XCR1: variants seen among roughly 807,000 people sequenced by gnomAD.
The protein encoded by XCR1 is X-C motif chemokine receptor 1.
For missense variants in XCR1, 356 were observed against 424.2 expected (o/e 0.84, Z 1.41); for synonymous variants, 187 against 188.5 (o/e 0.99, Z 0.06).
intron 5 of XCR1, among the ~76,000 whole-genome samples, chr3:46,036,019 T>C (rs1274308068): frequency 1.3e-5 from 2 of 152,232 alleles, no homozygotes; most frequent in Non-Finnish European, 2.9e-5. Flanking sequence ...GGCTTGTTTA[T>C]TGCTGCAGTG....
intron 4 of XCR1, among the ~76,000 whole-genome samples, chr3:46,065,019 A>G (rs953287013): frequency 1.3e-5 from 2 of 152,162 alleles, no homozygotes; most frequent in East Asian, 3.9e-4. Flanking sequence ...TGAACCAGCA[A>G]GGTGCAGGTT....
At chr3:46,032,454 C>T (rs769221075), upstream of XCR1, among the ~76,000 whole-genome samples, 27 of 152,200 alleles carry the variant, frequency 1.8e-4, no homozygotes, top group South Asian at 1.2e-3. Flanking sequence ...CAATGCTGGA[C>T]CCCACACTTG....
intron 5 of XCR1, among the ~76,000 whole-genome samples, chr3:46,034,304 T>C (rs887918828): frequency 5.3e-5 from 8 of 152,248 alleles, no homozygotes; most frequent in Admixed American, 1.3e-4. Context: ...AAGTCTTTTG[T>C]ATATTAGCCT....
chr3:46,071,124 G>T (rs1698156940), intron 3 of XCR1, among the ~76,000 whole-genome samples: 1 of 152,084 alleles, frequency 6.6e-6, no homozygotes, highest in Non-Finnish European at 1.5e-5. Flanking sequence ...AAGATCATTA[G>T]AGACTATTAT....
At chr3:46,072,660 A>G (rs368285796) in intron 3 of XCR1, among the ~76,000 whole-genome samples, 6 of 152,342 alleles carry the variant, frequency 3.9e-5, no homozygotes, top group African/African-American at 1.4e-4. Flanking sequence ...CATGGATCAG[A>G]AGAATTAATA....
rs530053239 is a variant in XCR1 at position 46,047,178 on chromosome 3, G to T, written c.-32+6742C>A. Among the ~76,000 whole-genome samples the T allele has an allele frequency of 5.3e-5, 8 of 152,308 alleles. No homozygotes were observed. In the East Asian group the frequency reaches 1.2e-3, roughly 22 times the overall value. ...AATAGAATTATGCAAAGCTACAGAA[G>T]ACATCACAACAGAAGTTATTAGTGT... On this transcript the variant is annotated intron_variant, in intron 5 of 5. Transcript: ENST00000683768.
intron 5 of XCR1, among the ~76,000 whole-genome samples, chr3:46,033,366 G>A (rs6791016): frequency 0.2 from 30,343 of 152,154 alleles, 4,438 homozygotes; most frequent in African/African-American, 0.4. Flanking sequence ...TGTGAAAGGT[G>A]TAAGATCTGT....
upstream of XCR1, among the ~76,000 whole-genome samples, chr3:46,031,736 C>T (rs577616627): frequency 6.6e-6 from 1 of 152,200 alleles, no homozygotes; most frequent in Non-Finnish European, 1.5e-5. Flanking sequence ...CTTGTTCTGG[C>T]CCATGGCCAC....
At position 46,019,937 on chromosome 3, in the gene XCR1, A is replaced by G. The variant is rs893714183; in HGVS notation, c.*1009T>C. 1.3e-5 allele frequency: 2 copies of G among 152,198 alleles called. No individual in the cohort carries two copies. Among genetic ancestry groups the G allele is most frequent in the African/African-American group, 4.8e-5 (2 of 41,452 alleles). The allele number at this position is 152,198 out of a possible 1,614,324, so 9.4% of individuals were successfully genotyped here. A position where few individuals can be genotyped will look rare whatever the true frequency, so the allele number is the denominator to read the frequency against. Reference sequence around the variant, plus strand: ...CAACTCTGAAAGCCACTAGACAGGCATAGTCATTTGGACCTGGCTGTGGGA... The same window carrying G: ...CAACTCTGAAAGCCACTAGACAGGCGTAGTCATTTGGACCTGGCTGTGGGA... On this transcript the variant is annotated 3_prime_UTR_variant, in exon 2 of 2. Transcript: ENST00000309285.
chr3:46,058,682 T>C (rs1697900298), intron 4 of XCR1, among the ~76,000 whole-genome samples: 1 of 152,138 alleles, frequency 6.6e-6, no homozygotes, highest in African/African-American at 2.4e-5. Context: ...TGAGTAGTTG[T>C]AGTCCTGAAT....
At chr3:46,044,130 G>A (rs560524390) in intron 5 of XCR1, among the ~76,000 whole-genome samples, 3 of 152,060 alleles carry the variant, frequency 2.0e-5, no homozygotes, top group African/African-American at 2.4e-5. Context: ...CAGGTAGCTG[G>A]GATTATAGGT....
chr3:46,028,569 T>C (rs148386553), upstream of XCR1, among the ~76,000 whole-genome samples: 5 of 151,838 alleles, frequency 3.3e-5, no homozygotes, highest in African/African-American at 1.2e-4. Context: ...GACACACAAA[T>C]GCTTTACATC....
intron 5 of XCR1, among the ~76,000 whole-genome samples, chr3:46,033,215 G>T (rs184619798): frequency 2.1e-3 from 321 of 152,058 alleles, no homozygotes; most frequent in Admixed American, 6.2e-3. Flanking sequence ...ATCAGAAAAA[G>T]AAGGCAAAAA....
intron 5 of XCR1, among the ~76,000 whole-genome samples, chr3:46,046,651 T>C (rs1697634495): frequency 1.3e-5 from 2 of 152,314 alleles, no homozygotes; most frequent in East Asian, 1.9e-4. Context: ...CATTTTTTGA[T>C]TGGCAGTCCA....
intron 5 of XCR1, among the ~76,000 whole-genome samples, chr3:46,045,005 C>T (rs571581248): frequency 1.3e-5 from 2 of 152,260 alleles, no homozygotes; most frequent in Non-Finnish European, 2.9e-5. Context: ...ATGAGGCCAG[C>T]ATTACCCTAA....
intron 4 of XCR1, among the ~76,000 whole-genome samples, chr3:46,058,729 A>G (rs968746539): frequency 2.6e-5 from 4 of 152,028 alleles, no homozygotes; most frequent in Non-Finnish European, 5.9e-5. Context: ...ATGCCCAGCT[A>G]GTTTTCCTGT....
intron 3 of XCR1, among the ~76,000 whole-genome samples, chr3:46,073,589 A>G (rs1322326093): frequency 6.6e-6 from 1 of 152,056 alleles, no homozygotes; most frequent in East Asian, 1.9e-4. Context: ...ATTCTTAAAC[A>G]AAAAACAAAA....
chr3:46,021,554 C>T lies in XCR1; in HGVS notation c.394G>A (p.Val132Met), dbSNP rs1010817240. Residue 132 changes from valine (V) to methionine (M), a missense_variant, in exon 2 of 2, where the codon GTG becomes ATG. Coordinates refer to ENST00000309285, the MANE Select transcript of XCR1 (RefSeq NM_001024644.2). The surrounding 1 kb of genome is among the most constrained non-coding windows in gnomAD (Gnocchi z 4.7). ...ACGCGCAGGGTGGAGAGGGGGCTCACTACCGACAGGTAGCGGTGGATGGTC... is the reference window on the plus strand; with the variant it reads ...ACGCGCAGGGTGGAGAGGGGGCTCATTACCGACAGGTAGCGGTGGATGGTC... ...IMTIHRYLSV[V>M]SPLSTLRVPT... 1 of 1,610,790 alleles carries T rather than the reference C, an allele frequency of 6.2e-7. No individual in the cohort carries two copies. Among genetic ancestry groups the T allele is most frequent in the Non-Finnish European group, 8.5e-7 (1 of 1,178,316 alleles).
intron 1 of XCR1, among the ~76,000 whole-genome samples, chr3:46,078,875 G>A (rs1314875548): frequency 2.6e-5 from 4 of 152,210 alleles, no homozygotes; most frequent in African/African-American, 4.8e-5. Context: ...AGGATATAAA[G>A]GACGCTCGTA....
Sources: allele counts gnomAD v4.1 joint callset (sites outside exome capture counted in the v4.1 genomes callset), GRCh38; gene constraint gnomAD v4.1.1; non-coding constraint Gnocchi (gnomAD v3.1); transcripts MANE v1.5; gene names NCBI Gene and HGNC (gene_info 2026-07-23, HGNC 2026-07-21).